RCOR1: variants seen among roughly 807,000 people sequenced by gnomAD.
RCOR1 encodes the protein REST corepressor 1.
RCOR1 carries 12 observed loss-of-function variants against 64.0 expected under a neutral mutation model. The observed-to-expected ratio is 0.19, with a 90% CI of 0.12 to 0.30. The LOEUF is 0.30. Among genes scored for constraint, RCOR1 ranks in the 10% least tolerant of loss-of-function variants. RCOR1 has a pLI of 1.00. For synonymous variants in RCOR1, 279 were observed against 227.2 expected (o/e 1.23, Z -2.05); for missense variants, 502 against 621.2 (o/e 0.81, Z 2.04).
intron 3 of RCOR1, among the ~76,000 whole-genome samples, chr14:102,690,471 G>A (rs575242261): frequency 2.0e-5 from 3 of 152,192 alleles, no homozygotes; most frequent in East Asian, 3.9e-4. Context: ...CACACCTGTA[G>A]TCCCAGACTG....
intron 2 of RCOR1, chr14:102,655,953 A>T (rs1209067390): frequency 2.0e-5 from 7 of 345,118 alleles, no homozygotes; most frequent in East Asian, 1.5e-4. Flanking sequence ...ACTTTTTGTC[A>T]CACACACACA....
intron 3 of RCOR1, among the ~76,000 whole-genome samples, chr14:102,686,315 T>G (rs796115095): frequency 8.5e-5 from 13 of 152,316 alleles, no homozygotes; most frequent in African/African-American, 3.1e-4. Flanking sequence ...ACAGCTAAAT[T>G]GAGCAGAAGG....
chr14:102,701,259 A>AT lies in RCOR1; in HGVS notation c.446-18dup. On this transcript the variant is annotated intron_variant, in intron 3 of 11. Coordinates refer to ENST00000262241, the MANE Select transcript of RCOR1 (RefSeq NM_015156.4). ...TCTGTCCCTCAGTTTGTTTAATGGC[A>AT]TCTCTTCTTGTTTTTCAGTGGATGA... is the stretch of plus-strand genomic sequence containing the variant. The AT allele has an allele frequency of 6.2e-7, 1 of 1,607,822 alleles. No homozygotes were observed. The highest frequency in any genetic ancestry group is 1.7e-4 in the Middle Eastern group (1 of 6,048).
At chr14:102,648,945 G>C (rs1282639348) in intron 2 of RCOR1, among the ~76,000 whole-genome samples, 2 of 152,090 alleles carry the variant, frequency 1.3e-5, no homozygotes, top group African/African-American at 4.8e-5. Context: ...GGGCTCCAAA[G>C]GGGTGTTGTC....
rs374783059 is a variant in RCOR1 at position 102,649,925 on chromosome 14, C to T, written c.362-31970C>T. 1.1e-4 allele frequency: 33 copies of T among 302,720 alleles called. 1 individual carries two copies. The East Asian group carries it at 1.2e-3, about 11-fold the overall frequency. The allele number at this position is 302,720 out of a possible 1,614,324, so 18.8% of individuals were successfully genotyped here. On this transcript the variant is annotated intron_variant, in intron 2 of 11. Transcript: ENST00000262241. The stretch of plus-strand genomic sequence containing the variant: ...AGAATCATAGTGGCCTTGGGCCGGG[C>T]GCGGTGGCTCACACCTGTAATCCCA...
At chr14:102,716,965 C>G (rs1228663793) in intron 8 of RCOR1, among the ~76,000 whole-genome samples, 25 of 152,174 alleles carry the variant, frequency 1.6e-4, no homozygotes, top group Admixed American at 1.6e-3. Flanking sequence ...ATATACCCCT[C>G]TACTTCTATA....
rs77933057 is a variant in RCOR1 at position 102,723,846 on chromosome 14, G to A, written c.1419+1430G>A. ...ACTGGAAGCAGAAACAGTTGGGAAC[G>A]CTGGCTCTATTCCCTCTTCGCATTT... On this transcript the variant is annotated intron_variant, in intron 11 of 11. Transcript: ENST00000262241. Among the ~76,000 whole-genome samples the A allele has an allele frequency of 8.5e-4, 129 of 152,250 alleles. 1 individual carries two copies. In the East Asian group the frequency reaches 0.022, roughly 26 times the overall value.
At position 102,708,563 on chromosome 14, in the gene RCOR1, A is replaced by G; in HGVS notation, c.759A>G (p.Gln253=). Residue 253 remains glutamine, a synonymous_variant, in exon 6 of 12, where the codon CAA becomes CAG. Transcript: ENST00000262241. ...TSVMDRHARK[Q]KREREESEDE... ...TGATGGATCGCCATGCCCGGAAACAAAAACGGGAGCGGGAGGAGAGGTGAG... is the reference window on the plus strand; with the variant it reads ...TGATGGATCGCCATGCCCGGAAACAGAAACGGGAGCGGGAGGAGAGGTGAG... The G allele has an allele frequency of 6.2e-7, 1 of 1,608,564 alleles. No individual in the cohort carries two copies. Among genetic ancestry groups the G allele is most frequent in the Non-Finnish European group, 8.5e-7 (1 of 1,175,210 alleles).
At chr14:102,668,194 G>A (rs1894955848) in intron 2 of RCOR1, among the ~76,000 whole-genome samples, 2 of 152,160 alleles carry the variant, frequency 1.3e-5, no homozygotes, top group South Asian at 4.1e-4. Context: ...GTTCACCCTG[G>A]AGGTGTAAAA....
chr14:102,642,607 G>A (rs1894391656), intron 2 of RCOR1, among the ~76,000 whole-genome samples: 1 of 152,144 alleles, frequency 6.6e-6, no homozygotes, highest in African/African-American at 2.4e-5. Context: ...GGCAGAGGTG[G>A]GAAGGATCGC....
chr14:102,649,233 G>A (rs1440878109), intron 2 of RCOR1, among the ~76,000 whole-genome samples: 13 of 152,098 alleles, frequency 8.5e-5, no homozygotes, highest in African/African-American at 2.7e-4. Flanking sequence ...GAATGCAACA[G>A]GATTCAGCTA....
intron 2 of RCOR1, chr14:102,643,276 T>C (rs1271839195): frequency 9.9e-6 from 9 of 907,604 alleles, no homozygotes; most frequent in African/African-American, 1.8e-5. Context: ...AGAGCGAGAC[T>C]CCGTCTCAAA....
intron 2 of RCOR1, among the ~76,000 whole-genome samples, chr14:102,676,130 A>T (rs1252918534): frequency 6.7e-6 from 1 of 149,828 alleles, no homozygotes; most frequent in Non-Finnish European, 1.5e-5. Context: ...AGACCCGGCA[A>T]CCATCCGATT....
chr14:102,596,189 C>G (rs534793583), intron 2 of RCOR1, among the ~76,000 whole-genome samples: 2 of 151,602 alleles, frequency 1.3e-5, no homozygotes, highest in African/African-American at 2.4e-5. Flanking sequence ...GCAACCTCTG[C>G]CTCCTGGGTT....
chr14:102,647,470 C>G (rs1038399133), intron 2 of RCOR1, among the ~76,000 whole-genome samples: 2 of 151,992 alleles, frequency 1.3e-5, no homozygotes, highest in Non-Finnish European at 2.9e-5. Context: ...GTGTGGACCA[C>G]CATGCTTGGC....
chr14:102,675,047 C>CAAAAA (rs761294133), intron 2 of RCOR1, among the ~76,000 whole-genome samples: 15 of 63,396 alleles, frequency 2.4e-4, no homozygotes, highest in African/African-American at 6.7e-4. Context: ...GACTCCACCT[C>CAAAAA]AAAAAAAAAA....
chr14:102,674,479 A>G (rs1895098355), intron 2 of RCOR1, among the ~76,000 whole-genome samples: 1 of 152,130 alleles, frequency 6.6e-6, no homozygotes, highest in Non-Finnish European at 1.5e-5. Context: ...TTTTTTTTAA[A>G]ATGCTGATTA....
intron 8 of RCOR1, chr14:102,720,793 C>G: frequency 2.5e-6 from 1 of 395,804 alleles, no homozygotes; most frequent in Non-Finnish European, 4.5e-6. Flanking sequence ...GTCCCCTCCT[C>G]CTTGGGTTGT....
intron 2 of RCOR1, among the ~76,000 whole-genome samples, chr14:102,654,283 G>A (rs1263700177): frequency 6.6e-6 from 1 of 151,816 alleles, no homozygotes; most frequent in Non-Finnish European, 1.5e-5. Context: ...CATTGCGCCC[G>A]GCCAGGTATT....
Sources: gnomAD v4.1 joint callset for allele counts (sites outside exome capture counted in the v4.1 genomes callset) on GRCh38, gnomAD v4.1.1 for gene constraint, MANE v1.5 for transcripts, NCBI Gene and HGNC (gene_info 2026-07-23, HGNC 2026-07-21) for gene names.